KHDRBS2: variants seen among roughly 807,000 people sequenced by gnomAD.
KHDRBS2 encodes KH RNA binding domain containing, signal transduction associated 2.
In KHDRBS2, 26 loss-of-function variants were observed where a neutral mutation model predicts 44.3. That is an observed-to-expected ratio of 0.59 (90% CI 0.43 to 0.81). The LOEUF is 0.81. Among genes scored for constraint, KHDRBS2 ranks in the 40% least tolerant of loss-of-function variants. The pLI is 0.00. For synonymous variants in KHDRBS2, 194 were observed against 151.1 expected, an observed-to-expected ratio of 1.28 and a Z score of -2.08; for missense variants, 476 against 433.1, an observed-to-expected ratio of 1.10 and a Z score of -0.88.
the KHDRBS2 span, among the ~76,000 whole-genome samples, chr6:61,596,809 G>A: frequency 1.3e-5 from 2 of 151,904 alleles, no homozygotes; most frequent in Non-Finnish European, 2.9e-5. Context: ...ATGCCACCAC[G>A]CCTGGCTAAT....
intron 6 of KHDRBS2, among the ~76,000 whole-genome samples, chr6:61,839,024 A>C (rs1022928636): frequency 1.3e-5 from 2 of 152,026 alleles, no homozygotes; most frequent in African/African-American, 4.8e-5. Context: ...TGCTCACCTC[A>C]GGGATTTCGC....
the KHDRBS2 span, among the ~76,000 whole-genome samples, chr6:61,623,311 T>C: frequency 6.6e-6 from 1 of 152,190 alleles, no homozygotes; most frequent in Admixed American, 6.5e-5. Flanking sequence ...TCCAGTTCTG[T>C]GGCAAATCCT....
chr6:62,269,010 A>C (rs10945156), intron 1 of KHDRBS2, among the ~76,000 whole-genome samples: 27,027 of 152,044 alleles, frequency 0.18, 2,715 homozygotes, highest in African/African-American at 0.28. Context: ...TTGGGCAGAG[A>C]AAATTTTTTT....
At chr6:61,697,094 C>T in intron 8 of KHDRBS2, 101 bp downstream of exon 8, 1 of 839,084 alleles carries the variant, frequency 1.2e-6, no homozygotes, top group Non-Finnish European at 2.0e-6. Context: ...TTAGTCTAGA[C>T]TTCTGGAAAA....
At chr6:62,051,802 G>A (rs541868907) in intron 2 of KHDRBS2, among the ~76,000 whole-genome samples, 6 of 151,678 alleles carry the variant, frequency 4.0e-5, no homozygotes, top group African/African-American at 1.4e-4. Context: ...CAGAAAAACC[G>A]ATTTAAAAAT....
At chr6:61,816,171 A>G (rs1221930368) in intron 6 of KHDRBS2, among the ~76,000 whole-genome samples, 1 of 152,186 alleles carries the variant, frequency 6.6e-6, no homozygotes, top group East Asian at 1.9e-4. Flanking sequence ...AAAAGTTGTT[A>G]TTGGTTAAAT....
chr6:61,716,483 G>C (rs1029623576), intron 7 of KHDRBS2, among the ~76,000 whole-genome samples: 1 of 151,944 alleles, frequency 6.6e-6, no homozygotes, highest in East Asian at 1.9e-4. Flanking sequence ...CTTGATGCAG[G>C]AATAGTAACT....
At chr6:61,699,336 G>A (rs1438164847) in intron 7 of KHDRBS2, among the ~76,000 whole-genome samples, 1 of 151,816 alleles carries the variant, frequency 6.6e-6, no homozygotes, top group Non-Finnish European at 1.5e-5. Flanking sequence ...CTTACTGAGG[G>A]ATCTATAAAT....
intron 1 of KHDRBS2, among the ~76,000 whole-genome samples, chr6:62,281,411 G>A (rs183550180): frequency 3.2e-4 from 49 of 151,984 alleles, no homozygotes; most frequent in African/African-American, 1.0e-3. Flanking sequence ...CACAAAATTC[G>A]GAGTTTGAGA....
intron 3 of KHDRBS2, among the ~76,000 whole-genome samples, chr6:62,030,907 G>A (rs1251087453): frequency 1.3e-5 from 2 of 152,156 alleles, no homozygotes; most frequent in East Asian, 1.9e-4. Flanking sequence ...ATAGGAGAAT[G>A]AGTAAATAAA....
At chr6:62,090,580 T>C (rs1799317199) in intron 2 of KHDRBS2, among the ~76,000 whole-genome samples, 1 of 151,976 alleles carries the variant, frequency 6.6e-6, no homozygotes, top group Non-Finnish European at 1.5e-5. Flanking sequence ...TTAATTTTAC[T>C]TATTTAATTT....
intron 1 of KHDRBS2, among the ~76,000 whole-genome samples, chr6:62,283,960 T>C (rs1585618851): frequency 6.6e-6 from 1 of 152,270 alleles, no homozygotes; most frequent in East Asian, 1.9e-4. Context: ...TTAGATGTTT[T>C]TCTCTATTTA....
chr6:62,121,098 C>A (rs1183499708), intron 2 of KHDRBS2, among the ~76,000 whole-genome samples: 2 of 152,058 alleles, frequency 1.3e-5, no homozygotes, highest in Non-Finnish European at 2.9e-5. Flanking sequence ...TGGGTCCAGT[C>A]GGTCCCTGGG....
chr6:62,178,890 G>C (rs527603217), intron 1 of KHDRBS2, among the ~76,000 whole-genome samples: 1 of 151,464 alleles, frequency 6.6e-6, no homozygotes, highest in East Asian at 1.9e-4. Context: ...GTAGAGAAAA[G>C]GTGATGATAG....
intron 6 of KHDRBS2, among the ~76,000 whole-genome samples, chr6:61,847,194 G>A (rs1045466386): frequency 2.0e-5 from 3 of 152,080 alleles, no homozygotes; most frequent in Non-Finnish European, 2.9e-5. Context: ...TGAAAAATAA[G>A]AGACTAAATT....
chr6:61,627,741 G>A, the KHDRBS2 span, among the ~76,000 whole-genome samples: 3,724 of 152,294 alleles, frequency 0.024, 70 homozygotes, highest in Middle Eastern at 0.085. Context: ...AAGCCTCTCA[G>A]ATCTTGCCCT....
chr6:62,163,647 C>T (rs1282501766), intron 2 of KHDRBS2, among the ~76,000 whole-genome samples: 1 of 151,876 alleles, frequency 6.6e-6, no homozygotes, highest in Non-Finnish European at 1.5e-5. Context: ...TCAATGCCTC[C>T]TCAGATAAAA....
chr6:61,659,439 T>G, the KHDRBS2 span, among the ~76,000 whole-genome samples: 1 of 151,816 alleles, frequency 6.6e-6, no homozygotes, highest in African/African-American at 2.4e-5. Context: ...GGCTCATAGT[T>G]AAAGCAATCA....
intron 1 of KHDRBS2, among the ~76,000 whole-genome samples, chr6:62,239,143 T>C (rs1378791156): frequency 6.6e-6 from 1 of 152,216 alleles, no homozygotes; most frequent in African/African-American, 2.4e-5. Flanking sequence ...TTCTTGGTTA[T>C]CATAGTGATA....
Sources: gnomAD v4.1 joint callset for allele counts (sites outside exome capture counted in the v4.1 genomes callset) on GRCh38, gnomAD v4.1.1 for gene constraint, MANE v1.5 for transcripts, NCBI Gene and HGNC (gene_info 2026-07-23, HGNC 2026-07-21) for gene names.